Variants in SLC35D4 observed in about 807,000 individuals in gnomAD.
The protein encoded by SLC35D4 is UDP-N-acetylglucosamine transporter SLC35D4.
chr18:23,422,139 G>T, the SLC35D4 span, among the ~76,000 whole-genome samples: 1 of 152,022 alleles, frequency 6.6e-6, no homozygotes. Flanking sequence ...TATTATTATT[G>T]TTTTTATTCA....
At chr18:23,333,839 C>T in the SLC35D4 span, among the ~76,000 whole-genome samples, 112,096 of 152,078 alleles carry the variant, frequency 0.74, 41,829 homozygotes, top group Middle Eastern at 0.86. Context: ...GGGTAGTCAT[C>T]GTACAAAGGA....
At chr18:23,380,866 C>T in the SLC35D4 span, among the ~76,000 whole-genome samples, 1 of 152,012 alleles carries the variant, frequency 6.6e-6, no homozygotes, top group Non-Finnish European at 1.5e-5. Flanking sequence ...AAAATGAACT[C>T]TACAGCTCCA....
At chr18:23,246,460 T>C in the SLC35D4 span, among the ~76,000 whole-genome samples, 147 of 152,124 alleles carry the variant, frequency 9.7e-4, 1 homozygote, top group East Asian at 5.0e-3. Context: ...GGCAAGATCT[T>C]GGCTCACTGC....
At chr18:23,250,341 TG>T in the SLC35D4 span, among the ~76,000 whole-genome samples, 1 of 45,786 alleles carries the variant, frequency 2.2e-5, no homozygotes, top group African/African-American at 3.1e-4. Context: ...GTGCCTGGAT[TG>T]GGGGGTGAGG....
At chr18:23,259,491 C>T in the SLC35D4 span, 1 of 152,288 alleles carries the variant, frequency 6.6e-6, no homozygotes, top group South Asian at 2.1e-4. Flanking sequence ...AGTTAGTGGT[C>T]CATTACTTTT....
At chr18:23,390,126 G>A in the SLC35D4 span, among the ~76,000 whole-genome samples, 183 of 152,300 alleles carry the variant, frequency 1.2e-3, 1 homozygote, top group African/African-American at 4.1e-3. Flanking sequence ...ATAACCCTAT[G>A]AGATAGATAT....
the SLC35D4 span, among the ~76,000 whole-genome samples, chr18:23,426,162 G>A: frequency 6.6e-6 from 1 of 151,900 alleles, no homozygotes; most frequent in Non-Finnish European, 1.5e-5. Context: ...GTTTTATGAT[G>A]GAGAAGAAAA....
the SLC35D4 span, among the ~76,000 whole-genome samples, chr18:23,345,857 A>C: frequency 3.0e-3 from 453 of 152,264 alleles, 3 homozygotes; most frequent in African/African-American, 0.011. Context: ...TATAGTTTTC[A>C]ATGTATAAAT....
chr18:23,386,419 C>T, the SLC35D4 span, among the ~76,000 whole-genome samples: 3 of 152,082 alleles, frequency 2.0e-5, no homozygotes, highest in African/African-American at 7.2e-5. Context: ...CCGTGGCCAC[C>T]AGAAGCTGAA....
chr18:23,393,195 G>A, the SLC35D4 span, among the ~76,000 whole-genome samples: 3 of 152,022 alleles, frequency 2.0e-5, no homozygotes, highest in South Asian at 2.1e-4. Context: ...GATTATAGGC[G>A]TGAGCCACCG....
At chr18:23,344,726 C>T in the SLC35D4 span, among the ~76,000 whole-genome samples, 3,749 of 151,786 alleles carry the variant, frequency 0.025, 51 homozygotes, top group Middle Eastern at 0.058. Flanking sequence ...CTCAGGCTCC[C>T]GAATAGCTGG....
chr18:23,355,915 G>A, the SLC35D4 span, among the ~76,000 whole-genome samples: 1 of 152,126 alleles, frequency 6.6e-6, no homozygotes, highest in African/African-American at 2.4e-5. Flanking sequence ...TACCACACAT[G>A]CTTTGGACCT....
the SLC35D4 span, among the ~76,000 whole-genome samples, chr18:23,429,310 A>G: frequency 6.6e-6 from 1 of 152,314 alleles, no homozygotes; most frequent in South Asian, 2.1e-4. Context: ...CAATCCTACC[A>G]ACAGTGTATA....
At chr18:23,398,468 C>G in the SLC35D4 span, among the ~76,000 whole-genome samples, 1 of 152,068 alleles carries the variant, frequency 6.6e-6, no homozygotes, top group Non-Finnish European at 1.5e-5. Context: ...GCGGTAAGAG[C>G]CTGAGAACAA....
chr18:23,307,731 C>T, the SLC35D4 span, among the ~76,000 whole-genome samples: 91 of 152,324 alleles, frequency 6.0e-4, no homozygotes, highest in African/African-American at 1.9e-3. Flanking sequence ...TTGTGAGTCA[C>T]GGGCTCTGAG....
At chr18:23,356,118 A>G in the SLC35D4 span, among the ~76,000 whole-genome samples, 1 of 152,180 alleles carries the variant, frequency 6.6e-6, no homozygotes, top group Non-Finnish European at 1.5e-5. This position sits in a 1 kb window ranked among gnomAD's most constrained non-coding sequence, Gnocchi z 4.1. Flanking sequence ...CCTAGCCATC[A>G]GTTTCCAAAA....
chr18:23,308,486 G>A, the SLC35D4 span, among the ~76,000 whole-genome samples: 10 of 152,060 alleles, frequency 6.6e-5, no homozygotes, highest in South Asian at 6.2e-4. Flanking sequence ...TTCATTGCTC[G>A]GAACCCAAAC....
chr18:23,352,230 G>A, the SLC35D4 span: 10 of 1,612,372 alleles, frequency 6.2e-6, no homozygotes, highest in Admixed American at 3.3e-5. Flanking sequence ...ACACTGCCCT[G>A]GGGCCAGAAG....
At chr18:23,251,736 G>A in the SLC35D4 span, among the ~76,000 whole-genome samples, 1 of 152,194 alleles carries the variant, frequency 6.6e-6, no homozygotes, top group East Asian at 1.9e-4. Flanking sequence ...ATGGTGGCAT[G>A]TTGTTCAACC....
Sources: gnomAD v4.1 joint callset for allele counts (sites outside exome capture counted in the v4.1 genomes callset) on GRCh38, gnomAD v4.1.1 for gene constraint, Gnocchi (gnomAD v3.1) non-coding constraint, MANE v1.5 for transcripts, NCBI Gene and HGNC (gene_info 2026-07-23, HGNC 2026-07-21) for gene names.